The following MSRB3 variants were observed in gnomAD, a reference collection of about 807,000 sequenced individuals.
MSRB3 encodes methionine sulfoxide reductase B3, also known as methionine-R-sulfoxide reductase B3.
A neutral mutation model predicts 21.0 loss-of-function variants in MSRB3; 13 were observed. The ratio of observed to expected loss-of-function variants is 0.62; its 90% confidence interval spans 0.40 to 0.98. The LOEUF is 0.98. MSRB3 is among the 50% of genes least tolerant of loss of function. The pLI is 0.00. For synonymous variants in MSRB3, 87 were observed against 88.6 expected, an observed-to-expected ratio of 0.98 and a Z score of 0.10; for missense variants, 199 against 230.3, an observed-to-expected ratio of 0.86 and a Z score of 0.88.
intron 5 of MSRB3, among the ~76,000 whole-genome samples, chr12:65,433,431 A>G (rs1392973536): frequency 6.6e-6 from 1 of 151,864 alleles, no homozygotes; most frequent in Non-Finnish European, 1.5e-5. Flanking sequence ...TTAATTGTCC[A>G]TGGTATTCAG....
intron 6 of MSRB3, chr12:65,454,036 A>G (rs1321313325): frequency 1.5e-6 from 1 of 660,624 alleles, no homozygotes; most frequent in Non-Finnish European, 2.8e-6. Flanking sequence ...GTAATCCCAT[A>G]CTTTGAGAGG....
At chr12:65,406,198 T>C (rs569864557) in intron 5 of MSRB3, among the ~76,000 whole-genome samples, 1 of 152,198 alleles carries the variant, frequency 6.6e-6, no homozygotes, top group Non-Finnish European at 1.5e-5. Flanking sequence ...AGTTTTACAG[T>C]TTCAAGTTTT....
chr12:65,351,490 C>CA (rs1313991134), intron 4 of MSRB3, among the ~76,000 whole-genome samples: 1 of 148,254 alleles, frequency 6.7e-6, no homozygotes, highest in African/African-American at 2.6e-5. Context: ...AATAGAGACA[C>CA]AAAAAACCCT....
chr12:65,303,775 A>G (rs553018901), intron 1 of MSRB3, among the ~76,000 whole-genome samples: 120 of 152,274 alleles, frequency 7.9e-4, no homozygotes, highest in African/African-American at 2.8e-3. Flanking sequence ...AGGGGATGTG[A>G]TAGCGTATTT....
At chr12:65,381,304 A>T (rs1439819435) in intron 5 of MSRB3, among the ~76,000 whole-genome samples, 1 of 152,186 alleles carries the variant, frequency 6.6e-6, no homozygotes, top group Non-Finnish European at 1.5e-5. Context: ...ATAGATATTT[A>T]TAAATTGGAA....
At chr12:65,409,131 C>T (rs1027844157) in intron 5 of MSRB3, among the ~76,000 whole-genome samples, 16 of 150,376 alleles carry the variant, frequency 1.1e-4, no homozygotes, top group African/African-American at 1.7e-4. Context: ...TATATATATA[C>T]ACAAAATACA....
intron 2 of MSRB3, among the ~76,000 whole-genome samples, chr12:65,309,739 C>T (rs1873874640): frequency 6.6e-6 from 1 of 152,048 alleles, no homozygotes; most frequent in African/African-American, 2.4e-5. Context: ...GCACAGTTAG[C>T]CTGGTTTCTA....
intron 4 of MSRB3, among the ~76,000 whole-genome samples, chr12:65,335,142 G>T (rs1875678307): frequency 6.6e-6 from 1 of 152,128 alleles, no homozygotes; most frequent in Non-Finnish European, 1.5e-5. Flanking sequence ...CACCAAACAG[G>T]TGTAAAAACT....
At chr12:65,311,853 C>T (rs915646800) in intron 2 of MSRB3, among the ~76,000 whole-genome samples, 1 of 152,012 alleles carries the variant, frequency 6.6e-6, no homozygotes, top group Non-Finnish European at 1.5e-5. Flanking sequence ...TGCATGAAGG[C>T]TATATCCCAG....
At chr12:65,388,848 G>A (rs895886849) in intron 5 of MSRB3, among the ~76,000 whole-genome samples, 1 of 152,146 alleles carries the variant, frequency 6.6e-6, no homozygotes, top group Admixed American at 6.5e-5. Context: ...TCTAGCCTGG[G>A]TGACAGAGTG....
At position 65,435,645 on chromosome 12, in the gene MSRB3, T is replaced by C. The variant is rs1056107744; in HGVS notation, c.293-18083T>C. ...TGACCCAGATTCAGGTTATATTTTC[T>C]ATAAAGCACTTTGAAAGATTTTGAT... On this transcript the variant is annotated intron_variant, in intron 5 of 6. Transcript: ENST00000308259. Among the ~76,000 whole-genome samples the C allele has an allele frequency of 3.3e-5, 5 of 151,916 alleles. No homozygotes were observed. In the East Asian group the frequency reaches 9.6e-4, roughly 29 times the overall value.
chr12:65,352,511 A>G (rs1407958853), intron 4 of MSRB3, among the ~76,000 whole-genome samples: 1 of 151,924 alleles, frequency 6.6e-6, no homozygotes, highest in Admixed American at 6.6e-5. Flanking sequence ...TTAGGAAAAG[A>G]AGAAGTCAAA....
chr12:65,417,873 C>T (rs1881062290), intron 5 of MSRB3, among the ~76,000 whole-genome samples: 1 of 152,096 alleles, frequency 6.6e-6, no homozygotes, highest in Non-Finnish European at 1.5e-5. Flanking sequence ...ATTCTCTATC[C>T]ATTTATCTAC....
At chr12:65,352,916 T>G (rs1201035896) in intron 4 of MSRB3, among the ~76,000 whole-genome samples, 5 of 151,262 alleles carry the variant, frequency 3.3e-5, no homozygotes, top group South Asian at 4.2e-4. Flanking sequence ...TTCAATGCCA[T>G]CCCCATAAAG....
At chr12:65,352,265 C>G (rs1048077058) in intron 4 of MSRB3, among the ~76,000 whole-genome samples, 6 of 150,590 alleles carry the variant, frequency 4.0e-5, no homozygotes, top group Non-Finnish European at 7.4e-5. Context: ...ATTCAACAAC[C>G]CTTCATGCTA....
chr12:65,369,079 C>T, intron 5 of MSRB3, 53 bp downstream of exon 5: 1 of 1,284,136 alleles, frequency 7.8e-7, no homozygotes, highest in Non-Finnish European at 1.1e-6. Flanking sequence ...ACATTATTCT[C>T]TGAGGAGTAA....
chr12:65,289,825 G>A (rs878862030), intron 1 of MSRB3, among the ~76,000 whole-genome samples: 1 of 151,968 alleles, frequency 6.6e-6, no homozygotes, highest in Non-Finnish European at 1.5e-5. Flanking sequence ...ATTTGTTTAG[G>A]ATTATGGTCT....
chr12:65,344,224 G>A (rs1876335299), intron 4 of MSRB3: 2 of 152,142 alleles, frequency 1.3e-5, no homozygotes, highest in South Asian at 2.1e-4. Flanking sequence ...ATAGAGACTG[G>A]AGATCTATTA....
chr12:65,460,690 CA>C, intron 6 of MSRB3, among the ~76,000 whole-genome samples: 1 of 151,632 alleles, frequency 6.6e-6, no homozygotes, highest in Non-Finnish European at 1.5e-5. Context: ...TATTTGTTAG[CA>C]AATAGTTTTC....
Sources: allele counts gnomAD v4.1 joint callset (sites outside exome capture counted in the v4.1 genomes callset), GRCh38; gene constraint gnomAD v4.1.1; transcripts MANE v1.5; gene names NCBI Gene and HGNC (gene_info 2026-07-23, HGNC 2026-07-21).